SNTA1: variants seen among roughly 807,000 people sequenced by gnomAD.
The protein encoded by SNTA1 is alpha-1-syntrophin.
SNTA1 carries 31 observed loss-of-function variants against 47.1 expected under a neutral mutation model. The ratio of observed to expected loss-of-function variants is 0.66; its 90% CI spans 0.49 to 0.89. SNTA1 has a LOEUF of 0.89. Ranked by LOEUF, SNTA1 falls within the 40% of genes least tolerant of loss-of-function variation. SNTA1 has a pLI of 0.00. For missense variants in SNTA1, 575 were observed against 693.0 expected (o/e 0.83, Z 1.91); for synonymous variants, 300 against 313.6 (o/e 0.96, Z 0.46).
chr20:33,422,856 G>GC (rs1990068119), intron 2 of SNTA1, among the ~76,000 whole-genome samples: 1 of 152,174 alleles, frequency 6.6e-6, no homozygotes, highest in Non-Finnish European at 1.5e-5. Flanking sequence ...GGGAAGAGGT[G>GC]CCATAGCCCA....
chr20:33,434,362 G>A (rs1252701523), intron 2 of SNTA1, among the ~76,000 whole-genome samples: 7 of 152,096 alleles, frequency 4.6e-5, no homozygotes, highest in Admixed American at 4.6e-4. Context: ...ATCTTGAGTG[G>A]AATGACCTCC....
chr20:33,429,119 GATC>G (rs1266595835), intron 2 of SNTA1, among the ~76,000 whole-genome samples: 1 of 151,840 alleles, frequency 6.6e-6, no homozygotes, highest in African/African-American at 2.4e-5. Context: ...GCCTTAGGCA[GATC>G]ACTTGAGGTC....
At position 33,408,828 on chromosome 20, in the gene SNTA1, AG is replaced by A. The variant is rs746712305; in HGVS notation, c.1297del (p.Leu433CysfsTer54). ...GGCTGCACCTGGCTCAGCCGCCCAC[AG>A]TGTGAAGCCCTTGTCGATGTGCACA... The part of the protein sequence containing the change: ...LSVHIDKGFT[L>X]WAAEPGAARA... On this transcript the variant is annotated frameshift_variant, in exon 7 of 8. Coordinates refer to ENST00000217381, the MANE Select transcript of SNTA1 (RefSeq NM_003098.3). LOFTEE classifies it high-confidence loss of function. 6.2e-7 allele frequency: 1 copy of A among 1,614,064 alleles called. No homozygotes were observed. Among genetic ancestry groups the A allele is most frequent in the Non-Finnish European group, 8.5e-7 (1 of 1,180,042 alleles).
In SNTA1 at chr20:33,438,946, C is replaced by T; in HGVS notation, c.391G>A (p.Val131Met). Residue 131 changes from valine to methionine, a missense_variant, in exon 2 of 8, where the codon GTG (valine) becomes ATG (methionine). Val to Met is a conservative substitution (Grantham distance 21). Coordinates refer to ENST00000217381, the MANE Select transcript of SNTA1 (RefSeq NM_003098.3). Reference protein sequence around the residue: ...LAADQTEALFVGDAILSVNGE... With the variant: ...LAADQTEALFMGDAILSVNGE... Reference sequence around the variant, plus strand: ...TTCACAGACAGGATGGCATCCCCCACAAAAAGGGCCTCTGTCTGGTCAGCT... The same window carrying T: ...TTCACAGACAGGATGGCATCCCCCATAAAAAGGGCCTCTGTCTGGTCAGCT... 1 of 1,614,116 alleles carries T rather than the reference C, an allele frequency of 6.2e-7. No homozygotes were observed. Among genetic ancestry groups the T allele is most frequent in the South Asian group, 1.1e-5 (1 of 91,088 alleles).
At chr20:33,431,872 C>CA (rs750834780) in intron 2 of SNTA1, among the ~76,000 whole-genome samples, 4 of 152,130 alleles carry the variant, frequency 2.6e-5, no homozygotes, top group Non-Finnish European at 5.9e-5. Context: ...TTATTTCCTC[C>CA]ACCACCAGCA....
chr20:33,417,152 A>G (rs952749709), intron 3 of SNTA1, among the ~76,000 whole-genome samples: 1 of 152,024 alleles, frequency 6.6e-6, no homozygotes, highest in Non-Finnish European at 1.5e-5. Flanking sequence ...TGGAGGTGAA[A>G]TAATAGGACT....
At chr20:33,415,792 C>CA (rs781029559) in intron 3 of SNTA1, among the ~76,000 whole-genome samples, 3,341 of 130,406 alleles carry the variant, frequency 0.026, 129 homozygotes, top group African/African-American at 0.085. Flanking sequence ...GACTCTGTCC[C>CA]AAAAAAAAAA....
intron 2 of SNTA1, among the ~76,000 whole-genome samples, chr20:33,428,229 G>A (rs866121870): frequency 6.6e-6 from 1 of 151,976 alleles, no homozygotes; most frequent in Non-Finnish European, 1.5e-5. Flanking sequence ...GCAACATGGC[G>A]AAATCCCATC....
rs1044925005 is a variant in SNTA1 at position 33,408,952 on chromosome 20, AC to A, written c.1238-65del. 3 of 1,430,264 alleles carry A rather than the reference AC, an allele frequency of 2.1e-6. No individual in the cohort carries two copies. The African/African-American group carries it at 4.2e-5, about 20-fold the overall frequency. 88.6% of individuals were successfully genotyped at this position (1,430,264 alleles called of 1,614,324 possible). On this transcript the variant is annotated intron_variant, in intron 6 of 7. Transcript: ENST00000217381. Reference sequence around the variant, plus strand: ...CTCAGAGACTACACCCCAACCTCCAACCCCCACCGCAGCTTACAAAGTGGGG... The same window carrying A: ...CTCAGAGACTACACCCCAACCTCCAACCCCACCGCAGCTTACAAAGTGGGG...
Position 33,408,493 on chromosome 20 carries a change from G to T in SNTA1, c.*14C>A. On this transcript the variant is annotated 3_prime_UTR_variant, in exon 8 of 8. Coordinates refer to ENST00000217381, the MANE Select transcript of SNTA1 (RefSeq NM_003098.3). ...ATGGACACCCCTCTTCAGGGCTAGT[G>T]CATCCGGCGACTTCTAGGCCAACAG... The T allele has an allele frequency of 6.3e-7, 1 of 1,589,706 alleles. No homozygotes were observed. The highest frequency in any genetic ancestry group is 8.6e-7 in the Non-Finnish European group (1 of 1,157,728).
chr20:33,438,283 G>A lies in SNTA1; in HGVS notation c.496+558C>T, dbSNP rs147340819. On this transcript the variant is annotated intron_variant, in intron 2 of 7. Transcript: ENST00000217381. ...CCACTGTATTCCAGCCTGGACAACA[G>A]AGCAAGATTCCATCTCAAAAAAAAA... Among the ~76,000 whole-genome samples, 181 of 152,136 alleles carry A rather than the reference G, an allele frequency of 1.2e-3. 4 individuals are homozygous for A. The East Asian group carries it at 0.034, about 28-fold the overall frequency.
At chr20:33,439,162 G>T in intron 1 of SNTA1, 136 bp from the exon 2 acceptor site, 1 of 797,484 alleles carries the variant, frequency 1.3e-6, no homozygotes, top group Non-Finnish European at 2.2e-6. Context: ...AGAATAAAGG[G>T]AATCTGAGAA....
chr20:33,416,874 G>A (rs1225380208), intron 3 of SNTA1, among the ~76,000 whole-genome samples: 5 of 149,136 alleles, frequency 3.4e-5, no homozygotes, highest in African/African-American at 9.9e-5. Context: ...CTGGAAGGCA[G>A]AGGTTTCAGT....
At chr20:33,419,442 A>G (rs1373653799) in intron 2 of SNTA1, among the ~76,000 whole-genome samples, 1 of 152,190 alleles carries the variant, frequency 6.6e-6, no homozygotes, top group Non-Finnish European at 1.5e-5. Context: ...AATAAGAGGG[A>G]GTTACAAACC....
At chr20:33,437,298 G>A (rs984869865) in intron 2 of SNTA1, among the ~76,000 whole-genome samples, 2 of 151,172 alleles carry the variant, frequency 1.3e-5, no homozygotes, top group African/African-American at 2.4e-5. Context: ...GTGGTGGCAT[G>A]CATCTGTAGT....
At position 33,408,052 on chromosome 20, in the gene SNTA1, G is replaced by A. The variant is rs566181377; in HGVS notation, c.*455C>T. 1.2e-4 allele frequency: 29 copies of A among 233,050 alleles called. No individual in the cohort carries two copies. Among genetic ancestry groups the A allele is most frequent in the Admixed American group, 4.1e-4 (8 of 19,738 alleles). 14.4% of individuals were successfully genotyped at this position (233,050 alleles called of 1,614,324 possible). On this transcript the variant is annotated 3_prime_UTR_variant, in exon 8 of 8. Coordinates refer to ENST00000217381, the MANE Select transcript of SNTA1 (RefSeq NM_003098.3). ...TGAAGAGAAAAACCAGACTCCCCAC[G>A]GTGGCAGGGCTGAGGGGAAAAACAA... is the stretch of plus-strand genomic sequence containing the variant.
intron 2 of SNTA1, among the ~76,000 whole-genome samples, chr20:33,434,142 G>A (rs562755359): frequency 2.2e-4 from 34 of 152,188 alleles, no homozygotes; most frequent in African/African-American, 7.7e-4. Flanking sequence ...ATTCAACTCC[G>A]GGGAAACCTA....
intron 3 of SNTA1, among the ~76,000 whole-genome samples, chr20:33,414,108 C>T (rs1989812886): frequency 6.6e-6 from 1 of 151,244 alleles, no homozygotes; most frequent in East Asian, 1.9e-4. Flanking sequence ...TGTGGTGGCA[C>T]ATGCCTGTAA....
chr20:33,424,932 C>T (rs576262974), intron 2 of SNTA1, among the ~76,000 whole-genome samples: 7 of 151,792 alleles, frequency 4.6e-5, no homozygotes, highest in South Asian at 2.1e-4. Context: ...CTGACTAACA[C>T]GGTGAAACCC....
Sources: allele counts gnomAD v4.1 joint callset (sites outside exome capture counted in the v4.1 genomes callset), GRCh38; gene constraint gnomAD v4.1.1; transcripts MANE v1.5; gene names NCBI Gene and HGNC (gene_info 2026-07-23, HGNC 2026-07-21).